Variants in DYNC1I1 observed in about 807,000 individuals in gnomAD.
DYNC1I1 encodes dynein cytoplasmic 1 intermediate chain 1, also known as cytoplasmic dynein 1 intermediate chain 1.
DYNC1I1 carries 43 observed loss-of-function variants against 86.6 expected under a neutral mutation model. The observed-to-expected ratio is 0.50, with a 90% CI of 0.39 to 0.64. The LOEUF is 0.64. DYNC1I1 is among the 30% of genes least tolerant of loss of function. DYNC1I1 has a pLI of 0.00. For synonymous variants in DYNC1I1, 262 were observed against 283.7 expected (o/e 0.92, Z 0.77); for missense variants, 604 against 788.8 (o/e 0.77, Z 2.81).
intron 1 of DYNC1I1, among the ~76,000 whole-genome samples, chr7:95,791,305 A>C (rs1039119851): frequency 8.5e-5 from 13 of 152,218 alleles, no homozygotes; most frequent in African/African-American, 3.1e-4. Context: ...TGCCCATTTC[A>C]GGCAGGCCTA....
chr7:96,014,337 C>T (rs951585647), intron 10 of DYNC1I1, among the ~76,000 whole-genome samples: 1 of 152,168 alleles, frequency 6.6e-6, no homozygotes, highest in Admixed American at 6.5e-5. Flanking sequence ...ACTCCCTTTT[C>T]GGTTTTTGCC....
At chr7:95,976,103 C>T (rs566139454) in intron 6 of DYNC1I1, among the ~76,000 whole-genome samples, 3 of 152,146 alleles carry the variant, frequency 2.0e-5, no homozygotes, top group Admixed American at 1.3e-4. Flanking sequence ...ATTTTAGGTG[C>T]GACTTTTCAT....
intron 5 of DYNC1I1, among the ~76,000 whole-genome samples, chr7:95,846,784 C>A (rs1789444942): frequency 6.6e-6 from 1 of 152,124 alleles, no homozygotes; most frequent in Non-Finnish European, 1.5e-5. Flanking sequence ...GATGTTACAC[C>A]TTGACACCTC....
intron 6 of DYNC1I1, among the ~76,000 whole-genome samples, chr7:95,968,824 C>CTCTGTGTGTGTG (rs755617598): frequency 2.1e-5 from 2 of 94,356 alleles, no homozygotes; most frequent in Non-Finnish European, 4.8e-5. Flanking sequence ...ATTTTTTGCT[C>CTCTGTGTGTGTG]TGTGTGTGTG....
chr7:96,054,352 T>A (rs1038172612), intron 14 of DYNC1I1, among the ~76,000 whole-genome samples: 13 of 152,386 alleles, frequency 8.5e-5, no homozygotes, highest in Middle Eastern at 6.8e-3. Flanking sequence ...TTCCATGGTG[T>A]ATATGTGCCA....
intron 16 of DYNC1I1, among the ~76,000 whole-genome samples, chr7:96,083,398 A>G (rs915370028): frequency 2.7e-5 from 4 of 148,916 alleles, no homozygotes; most frequent in African/African-American, 1.0e-4. Flanking sequence ...TAGAGGTACA[A>G]TGTACTAAAA....
chr7:96,094,358 A>G (rs1249730053), intron 16 of DYNC1I1, among the ~76,000 whole-genome samples: 2 of 152,162 alleles, frequency 1.3e-5, no homozygotes, highest in Non-Finnish European at 2.9e-5. Context: ...GGATTAAAAA[A>G]TCTCCTAGAG....
At chr7:95,995,525 T>C (rs1793844568) in intron 9 of DYNC1I1, among the ~76,000 whole-genome samples, 1 of 152,152 alleles carries the variant, frequency 6.6e-6, no homozygotes, top group South Asian at 2.1e-4. Context: ...ATGTTAAGCT[T>C]ATTAAAGCCA....
chr7:95,971,922 C>G (rs1208207784), intron 6 of DYNC1I1, among the ~76,000 whole-genome samples: 1 of 152,130 alleles, frequency 6.6e-6, no homozygotes, highest in African/African-American at 2.4e-5. Context: ...CCTTAGCGGT[C>G]TTCCTGAGGT....
Position 95,995,997 on chromosome 7 carries a change from A to C in DYNC1I1, c.893A>C (p.His298Pro), listed in dbSNP as rs1432681942. 1 of 1,613,048 alleles carries C rather than the reference A, an allele frequency of 6.2e-7. No homozygotes were observed. The highest frequency in any genetic ancestry group is 1.3e-5 in the African/African-American group (1 of 74,844). Residue 298 changes from histidine (H) to proline (P), a missense_variant, in exon 10 of 17, where the codon CAT (histidine) becomes CCT (proline). By Grantham distance (77) the His-to-Pro change is moderately conservative. Coordinates refer to ENST00000447467, the MANE Select transcript of DYNC1I1 (RefSeq NM_001135556.2). ...ASYNNNEDAPHEPDGVALVWN... is the reference protein window; with the variant it reads ...ASYNNNEDAPPEPDGVALVWN... ...TACAACAACAATGAAGATGCTCCCC[A>C]TGAACCAGATGGAGTGGCCTTGGTT...
intron 10 of DYNC1I1, among the ~76,000 whole-genome samples, chr7:96,020,819 GA>G (rs1401107910): frequency 6.6e-6 from 1 of 152,140 alleles, no homozygotes; most frequent in East Asian, 1.9e-4. Flanking sequence ...CCTTAAAAAG[GA>G]AAGAAATTTT....
At chr7:95,818,890 TTCACCTTA>T (rs1795010622) in intron 4 of DYNC1I1, 1 of 185,626 alleles carries the variant, frequency 5.4e-6, no homozygotes, top group African/African-American at 2.4e-5. Flanking sequence ...TCAATGTATT[TTCACCTTA>T]TCTAGTATCT....
chr7:95,813,431 C>G (rs1794877934), intron 4 of DYNC1I1, 94 bp downstream of exon 4: 1 of 1,398,864 alleles, frequency 7.1e-7, no homozygotes, highest in African/African-American at 1.5e-5. Context: ...GTGAAATGTG[C>G]ATGTATCTGC....
intron 1 of DYNC1I1, among the ~76,000 whole-genome samples, chr7:95,800,990 T>G (rs935012018): frequency 1.3e-5 from 2 of 152,244 alleles, no homozygotes; most frequent in African/African-American, 4.8e-5. Flanking sequence ...CTGCATTTAA[T>G]GCTACTATTT....
intron 4 of DYNC1I1, among the ~76,000 whole-genome samples, chr7:95,825,249 G>A (rs1795179799): frequency 6.6e-6 from 1 of 152,206 alleles, no homozygotes; most frequent in South Asian, 2.1e-4. Flanking sequence ...TACTTCTTAA[G>A]GGTATAGTGA....
rs530121696 is a variant in DYNC1I1, at chr7:95,974,994, TCA to T, written c.491-2515_491-2514del. Among the ~76,000 whole-genome samples the T allele has an allele frequency of 2.6e-3, 394 of 152,244 alleles. 1 individual carries two copies. Among genetic ancestry groups the T allele is most frequent in the Non-Finnish European group, 4.2e-3 (283 of 68,014 alleles). ...AGGCAGTTTGCATAGTGGTTAAAGA[TCA>T]CAGACCCCAAAACAGGCAGAGCCAG... On this transcript the variant is annotated intron_variant, in intron 6 of 16. Transcript: ENST00000447467.
chr7:96,105,690 T>C (rs1413888199), intron 16 of DYNC1I1, among the ~76,000 whole-genome samples: 2 of 152,182 alleles, frequency 1.3e-5, no homozygotes, highest in Non-Finnish European at 2.9e-5. Flanking sequence ...TCTGACCTCC[T>C]CTATTTTGTG....
intron 9 of DYNC1I1, among the ~76,000 whole-genome samples, chr7:95,992,495 TTGTC>T (rs755942101): frequency 6.6e-6 from 1 of 152,174 alleles, no homozygotes; most frequent in Admixed American, 6.5e-5. Context: ...CTGGGTTTCT[TTGTC>T]TGTGGAAATG....
rs1794663646 is a variant in DYNC1I1 at position 95,804,723 on chromosome 7, A to C, written c.-7A>C. The C allele has an allele frequency of 1.3e-6, 2 of 1,584,488 alleles. No homozygotes were observed. On this transcript the variant is annotated splice_region_variant and 5_prime_UTR_variant, in exon 2 of 17. Coordinates refer to ENST00000447467, the MANE Select transcript of DYNC1I1 (RefSeq NM_001135556.2). ...CTTTTTTTTTCTCTTTCTCCAAGGA[A>C]ACCAACATGTCTGACAAAAGTGACT...
Sources: gnomAD v4.1 joint callset for allele counts (sites outside exome capture counted in the v4.1 genomes callset) on GRCh38, gnomAD v4.1.1 for gene constraint, MANE v1.5 for transcripts, NCBI Gene and HGNC (gene_info 2026-07-23, HGNC 2026-07-21) for gene names.